SLC2A4RG: variants seen among roughly 807,000 people sequenced by gnomAD.
The protein encoded by SLC2A4RG is SLC2A4 regulator.
A neutral mutation model predicts 35.5 loss-of-function variants in SLC2A4RG; 23 were observed. The ratio of observed to expected loss-of-function variants is 0.65; its 90% CI spans 0.47 to 0.92. The LOEUF (loss-of-function observed/expected upper bound fraction) is 0.92, where lower values mean the gene tolerates loss of function less well. Among genes scored for constraint, SLC2A4RG ranks in the 40% least tolerant of loss-of-function variants. The pLI, the probability that SLC2A4RG is intolerant of heterozygous loss-of-function variation, is 0.00. For synonymous variants in SLC2A4RG, 306 were observed against 243.7 expected (o/e 1.26, Z -2.38); for missense variants, 539 against 525.0 (o/e 1.03, Z -0.26).
rs1416940848 is a variant in SLC2A4RG at position 63,739,809 on chromosome 20, G to C, written c.-104G>C. 1.0e-6 allele frequency: 1 copy of C among 970,772 alleles called. No individual in the cohort carries two copies. Among genetic ancestry groups the C allele is most frequent in the African/African-American group, 1.8e-5 (1 of 55,850 alleles). The allele number at this position is 970,772 out of a possible 1,614,324, so 60.1% of individuals were successfully genotyped here. On this transcript the variant is annotated 5_prime_UTR_variant, in exon 1 of 8. Transcript: ENST00000266077. The stretch of plus-strand genomic sequence containing the variant: ...GGCGGCGCGGCGCGGGCGGCGGCCG[G>C]ATCCAGGGCGGGGGTCGGCGGCCCG...
chr20:63,742,020 CTT>C lies in SLC2A4RG; in HGVS notation c.545_546del (p.Phe182SerfsTer51). ...SPPLPPEAAH[F>X]LFGEPTLRKR... ...CCCCACTGCCCCCCGAGGCAGCCCA[CTT>C]TCTGTTTGGGGAGCCCACCCTGAGA... On this transcript the variant is annotated frameshift_variant, in exon 4 of 8. Transcript: ENST00000266077. LOFTEE classifies it high-confidence loss of function. 6.2e-7 allele frequency: 1 copy of C among 1,612,712 alleles called. No homozygotes were observed. The highest frequency in any genetic ancestry group is 8.5e-7 in the Non-Finnish European group (1 of 1,179,504).
chr20:63,741,129 G>A, intron 2 of SLC2A4RG: 1 of 554,390 alleles, frequency 1.8e-6, no homozygotes, highest in Non-Finnish European at 3.2e-6. Context: ...GAACCACAGT[G>A]GAGCCAAGCC....
At position 63,740,234 on chromosome 20, in the gene SLC2A4RG, C is replaced by CGGGGCCG. The variant is rs1346506641; in HGVS notation, c.127-137_127-131dup. ...CCTTCCCGCCGCGCCGGGCTGGGGG[C>CGGGGCCG]GGGGCCGGGGGCGGGGCCGCGCCGT... On this transcript the variant is annotated intron_variant, in intron 1 of 7. Coordinates refer to ENST00000266077, the MANE Select transcript of SLC2A4RG (RefSeq NM_020062.4). 11 of 477,712 alleles carry CGGGGCCG rather than the reference C, an allele frequency of 2.3e-5. No individual in the cohort carries two copies. The South Asian group carries it at 7.6e-4, about 33-fold the overall frequency. 29.6% of individuals were successfully genotyped at this position (477,712 alleles called of 1,614,324 possible).
Position 63,739,876 on chromosome 20 carries a change from C to G in SLC2A4RG, c.-37C>G. ...CCGGGGCCGCGTCCTGAGAGTCAGC[C>G]CTCGCCGCTGCAGCCTCGGCGCCCG... is the stretch of plus-strand genomic sequence containing the variant. On this transcript the variant is annotated 5_prime_UTR_variant, in exon 1 of 8. Transcript: ENST00000266077. 1.0e-6 allele frequency: 1 copy of G among 978,308 alleles called. No individual in the cohort carries two copies. The highest frequency in any genetic ancestry group is 1.2e-6 in the Non-Finnish European group (1 of 827,586). The allele number at this position is 978,308 out of a possible 1,614,324, so 60.6% of individuals were successfully genotyped here. A position where few individuals can be genotyped will look rare whatever the true frequency, so the allele number is the denominator to read the frequency against.
Position 63,743,003 on chromosome 20 carries a change from C to A in SLC2A4RG, c.*13C>A. ...GTTCCTGGACTAAGTCCGGCTCGTT[C>A]AAGAACATAAGCTACCACCTTCTCC... On this transcript the variant is annotated 3_prime_UTR_variant, in exon 8 of 8. Transcript: ENST00000266077. The A allele has an allele frequency of 6.3e-7, 1 of 1,595,390 alleles. No homozygotes were observed. The highest frequency in any genetic ancestry group is 1.1e-5 in the South Asian group (1 of 89,172).
Position 63,742,872 on chromosome 20 carries a change from C to T in SLC2A4RG, c.1053-7C>T, listed in dbSNP as rs759620200. The T allele has an allele frequency of 1.7e-5, 28 of 1,609,344 alleles. No homozygotes were observed. Among genetic ancestry groups the T allele is most frequent in the Middle Eastern group, 1.6e-4 (1 of 6,068 alleles). ...CAGCACCCCATGTCCTGTGACCCCC[C>T]GCACAGGAAGCCCCGCGGCGACGCG... On this transcript the variant is annotated splice_polypyrimidine_tract_variant and splice_region_variant and intron_variant, in intron 7 of 7. Transcript: ENST00000266077.
chr20:63,741,660 C>T (rs1464951682), intron 3 of SLC2A4RG, among the ~76,000 whole-genome samples, 181 bp downstream of exon 3: 2 of 152,350 alleles, frequency 1.3e-5, no homozygotes, highest in African/African-American at 4.8e-5. Context: ...CTTCTGGCCT[C>T]CCTGACCTGC....
chr20:63,741,788 T>A, intron 3 of SLC2A4RG, 81 bp from the exon 4 acceptor site: 1 of 1,466,872 alleles, frequency 6.8e-7, no homozygotes, highest in Non-Finnish European at 9.0e-7. Flanking sequence ...CTCACCGGAC[T>A]TGGTGAACAG....
chr20:63,740,679 A>G (rs2092037088), intron 2 of SLC2A4RG, 148 bp downstream of exon 2: 2 of 803,172 alleles, frequency 2.5e-6, no homozygotes, highest in Non-Finnish European at 3.3e-6. Flanking sequence ...GGAGGAGCTG[A>G]GCAGAAATGA....
In SLC2A4RG at chr20:63,742,134, C is replaced by G; in HGVS notation, c.584C>G (p.Pro195Arg). ...GEPTLRKRKS[P>R]AQVMFQCLWK... ...CCCTGGCCCCTGTTGCTGCAGAGCC[C>G]GGCCCAGGTCATGTTCCAGTGTCTG... The change falls in exon 5 of 8, where the codon CCG becomes CGG. Residue 195 changes from proline (P) to arginine (R), a missense_variant. By Grantham distance (103) the Pro-to-Arg change is moderately radical. Transcript: ENST00000266077. 6.2e-7 allele frequency: 1 copy of G among 1,603,574 alleles called. No individual in the cohort carries two copies. Among genetic ancestry groups the G allele is most frequent in the Non-Finnish European group, 8.5e-7 (1 of 1,175,598 alleles).
In SLC2A4RG at chr20:63,739,838, A is replaced by AGCCCGGCCC; in HGVS notation, c.-73_-65dup. ...CAGGGCGGGGGTCGGCGGCCCGGCC[A>AGCCCGGCCC]GCCCGGCCCGGCCCGGGGCCGCGTC... On this transcript the variant is annotated 5_prime_UTR_variant, in exon 1 of 8. Coordinates refer to ENST00000266077, the MANE Select transcript of SLC2A4RG (RefSeq NM_020062.4). 1 of 968,852 alleles carries AGCCCGGCCC rather than the reference A, an allele frequency of 1.0e-6. No individual in the cohort carries two copies. The highest frequency in any genetic ancestry group is 1.2e-6 in the Non-Finnish European group (1 of 823,360). 60.0% of individuals were successfully genotyped at this position (968,852 alleles called of 1,614,324 possible).
chr20:63,740,648 A>G, intron 2 of SLC2A4RG, 117 bp downstream of exon 2: 1 of 1,032,912 alleles, frequency 9.7e-7, no homozygotes, highest in Non-Finnish European at 1.2e-6. Context: ...ATTACCAGCC[A>G]CCCCCAAGCT....
Position 63,740,017 on chromosome 20 carries a change from G to C in SLC2A4RG, c.105G>C (p.Val35=). ...AEGPGPRAAP[V]TVPTPPQGSS... ...GTCCGGGGCCGCGCGCCGCGCCCGT[G>C]ACGGTGCCCACGCCGCCGCAGGTAC... Residue 35 remains valine, a synonymous_variant, in exon 1 of 8, where the codon GTG becomes GTC. Coordinates refer to ENST00000266077, the MANE Select transcript of SLC2A4RG (RefSeq NM_020062.4). 1.0e-6 allele frequency: 1 copy of C among 981,502 alleles called. No individual in the cohort carries two copies. The highest frequency in any genetic ancestry group is 1.2e-6 in the Non-Finnish European group (1 of 828,630). 60.8% of individuals were successfully genotyped at this position (981,502 alleles called of 1,614,324 possible).
chr20:63,740,683 GAA>G, intron 2 of SLC2A4RG, 152 bp downstream of exon 2: 1 of 778,948 alleles, frequency 1.3e-6, no homozygotes, highest in Non-Finnish European at 1.7e-6. Context: ...GAGCTGAGCA[GAA>G]ATGATCGATG....
Position 63,741,779 on chromosome 20 carries a change from T to C in SLC2A4RG, c.392-90T>C, listed in dbSNP as rs1468480939. ...CTCCAAGACGCTCTGCCCACCAGTC[T>C]CACCGGACTTGGTGAACAGGGGCAG... On this transcript the variant is annotated intron_variant, in intron 3 of 7. Transcript: ENST00000266077. The C allele has an allele frequency of 3.4e-6, 5 of 1,455,774 alleles. No homozygotes were observed. In the East Asian group the frequency reaches 1.0e-4, roughly 29 times the overall value. The allele number at this position is 1,455,774 out of a possible 1,614,324, so 90.2% of individuals were successfully genotyped here.
chr20:63,740,205 G>A (rs1568811105), intron 1 of SLC2A4RG, 167 bp downstream of exon 1: 1 of 393,352 alleles, frequency 2.5e-6, no homozygotes, highest in African/African-American at 2.2e-5. Flanking sequence ...GGCGGCCGGG[G>A]AGCCCTTCCC....
chr20:63,741,921 C>T lies in SLC2A4RG; in HGVS notation c.444C>T (p.Tyr148=), dbSNP rs755827302. 1 of 1,611,342 alleles carries T rather than the reference C, an allele frequency of 6.2e-7. No homozygotes were observed. The highest frequency in any genetic ancestry group is 1.3e-5 in the African/African-American group (1 of 75,036). Residue 148 remains tyrosine, a synonymous_variant, in exon 4 of 8, where the codon TAC becomes TAT. Coordinates refer to ENST00000266077, the MANE Select transcript of SLC2A4RG (RefSeq NM_020062.4). ...KEALVRPPGS[Y]SSSSNSGDWG... is the part of the protein sequence containing the mutation. ...CCCTGGTGCGGCCCCCAGGCAGCTACAGCAGCAGCAGCAACAGTGGAGACT... is the reference window on the plus strand; with the variant it reads ...CCCTGGTGCGGCCCCCAGGCAGCTATAGCAGCAGCAGCAACAGTGGAGACT...
In SLC2A4RG at chr20:63,741,941, G is replaced by C. The variant is rs536435959; in HGVS notation, c.464G>C (p.Gly155Ala). ...AGCTACAGCAGCAGCAGCAACAGTGGAGACTGGGGATGGGACCTGGCCAGT... is the reference window on the plus strand; with the variant it reads ...AGCTACAGCAGCAGCAGCAACAGTGCAGACTGGGGATGGGACCTGGCCAGT... Reference protein sequence around the residue: ...PGSYSSSSNSGDWGWDLASDQ... With the variant: ...PGSYSSSSNSADWGWDLASDQ... The change falls in exon 4 of 8, where the codon GGA becomes GCA. Residue 155 changes from glycine (G) to alanine (A), a missense_variant. Transcript: ENST00000266077. 6.2e-7 allele frequency: 1 copy of C among 1,612,766 alleles called. No individual in the cohort carries two copies. Among genetic ancestry groups the C allele is most frequent in the East Asian group, 2.2e-5 (1 of 44,868 alleles).
chr20:63,740,564 T>A, intron 2 of SLC2A4RG, 33 bp downstream of exon 2: 1 of 1,227,610 alleles, frequency 8.1e-7, no homozygotes, highest in Non-Finnish European at 1.0e-6. Flanking sequence ...CGGGACTCGG[T>A]GTGCGCAGGG....
Sources: gnomAD v4.1 joint callset for allele counts (sites outside exome capture counted in the v4.1 genomes callset) on GRCh38, gnomAD v4.1.1 for gene constraint, MANE v1.5 for transcripts, NCBI Gene and HGNC (gene_info 2026-07-23, HGNC 2026-07-21) for gene names.